Variants in TBC1D32 observed in about 807,000 individuals in gnomAD.
TBC1D32 encodes TBC1 domain family member 32.
In TBC1D32, 151 loss-of-function variants were observed where a neutral mutation model predicts 170.3. The observed-to-expected ratio is 0.89, with a 90% confidence interval of 0.78 to 1.01. The LOEUF (loss-of-function observed/expected upper bound fraction) is 1.01, where lower values mean the gene tolerates loss of function less well. Among genes scored for constraint, TBC1D32 ranks in the 50% least tolerant of loss-of-function variants. The pLI, the probability that TBC1D32 is intolerant of heterozygous loss-of-function variation, is 0.00. For synonymous variants in TBC1D32, 498 were observed against 488.0 expected (o/e 1.02, Z -0.27); for missense variants, 1,464 against 1,457.1 (o/e 1.00, Z -0.08).
intron 20 of TBC1D32, among the ~76,000 whole-genome samples, chr6:121,233,920 C>G (rs531939916): frequency 4.0e-4 from 61 of 152,244 alleles, no homozygotes; most frequent in African/African-American, 1.5e-3. Flanking sequence ...GTGGTGAATT[C>G]TCTCAGCAGT....
In TBC1D32 at chr6:121,080,215, CTT is replaced by C. The variant is rs370155731; in HGVS notation, c.*554_*555del. On this transcript the variant is annotated 3_prime_UTR_variant, in exon 32 of 32. Coordinates refer to ENST00000398212, the MANE Select transcript of TBC1D32 (RefSeq NM_152730.6). ...TGAATAAAGGAGATGTAAGTTGGGA[CTT>C]TTTTTTTTTTTTTTTTTTTGAGACA... The C allele has an allele frequency of 2.3e-3, 264 of 116,032 alleles. No homozygotes were observed. Among genetic ancestry groups the C allele is most frequent in the African/African-American group, 7.6e-3 (221 of 28,982 alleles). The allele number at this position is 116,032 out of a possible 1,614,324, so 7.2% of individuals were successfully genotyped here.
At chr6:121,266,854 T>C (rs934495192) in intron 15 of TBC1D32, among the ~76,000 whole-genome samples, 1 of 151,226 alleles carries the variant, frequency 6.6e-6, no homozygotes, top group Non-Finnish European at 1.5e-5. Context: ...AAGTGGGAGA[T>C]GAAAAATGAG....
At chr6:121,240,495 T>C (rs997387169) in intron 19 of TBC1D32, among the ~76,000 whole-genome samples, 1 of 151,066 alleles carries the variant, frequency 6.6e-6, no homozygotes, top group Admixed American at 6.6e-5. Flanking sequence ...GAATCAGTAG[T>C]GATCACTCAT....
At chr6:121,201,582 CT>C (rs1395861260) in intron 22 of TBC1D32, among the ~76,000 whole-genome samples, 1 of 151,228 alleles carries the variant, frequency 6.6e-6, no homozygotes, top group Non-Finnish European at 1.5e-5. Context: ...ATAATGACCC[CT>C]GGAGAGAAAA....
intron 20 of TBC1D32, among the ~76,000 whole-genome samples, chr6:121,231,745 G>A (rs1562997915): frequency 6.6e-6 from 1 of 151,980 alleles, no homozygotes; most frequent in Non-Finnish European, 1.5e-5. Context: ...CACGTCCTCA[G>A]CCCACTTTTT....
intron 22 of TBC1D32, among the ~76,000 whole-genome samples, chr6:121,181,775 G>A (rs9372642): frequency 0.68 from 103,232 of 151,996 alleles, 40,024 homozygotes; most frequent in Non-Finnish European, 0.86. Context: ...TTTACTAAAC[G>A]GAATATTATT....
At chr6:121,279,524 T>C (rs1466866223) in intron 14 of TBC1D32, among the ~76,000 whole-genome samples, 1 of 151,996 alleles carries the variant, frequency 6.6e-6, no homozygotes, top group Admixed American at 6.6e-5. Flanking sequence ...TATATAATTC[T>C]GGTTGGCAAA....
At chr6:121,225,216 T>C (rs538103912) in intron 20 of TBC1D32, among the ~76,000 whole-genome samples, 4 of 152,180 alleles carry the variant, frequency 2.6e-5, no homozygotes, top group African/African-American at 4.8e-5. Context: ...ACTAGAAAGA[T>C]GATTAATAGA....
chr6:121,096,949 G>A (rs1452599225), intron 30 of TBC1D32, among the ~76,000 whole-genome samples: 1 of 152,126 alleles, frequency 6.6e-6, no homozygotes, highest in Admixed American at 6.6e-5. Context: ...AGTGGGGAAA[G>A]GATTCCCTAT....
chr6:121,239,321 A>G, intron 19 of TBC1D32, 133 bp from the exon 20 acceptor site: 1 of 463,214 alleles, frequency 2.2e-6, no homozygotes, highest in Non-Finnish European at 3.9e-6. Context: ...TATATAAAAA[A>G]TAATCTCTTC....
At chr6:121,096,703 G>A (rs1331545097) in intron 30 of TBC1D32, among the ~76,000 whole-genome samples, 3 of 151,968 alleles carry the variant, frequency 2.0e-5, no homozygotes, top group Non-Finnish European at 2.9e-5. Context: ...CTACTTTAAA[G>A]TTCATACGGA....
rs756446387 is a variant in TBC1D32 at position 121,205,180 on chromosome 6, A to T, written c.2482-17T>A. 1.3e-5 allele frequency: 16 copies of T among 1,234,478 alleles called. No individual in the cohort carries two copies. In the South Asian group the frequency reaches 2.3e-4, roughly 18 times the overall value. The allele number at this position is 1,234,478 out of a possible 1,614,324, so 76.5% of individuals were successfully genotyped here. A position where few individuals can be genotyped will look rare whatever the true frequency, so the allele number is the denominator to read the frequency against. On this transcript the variant is annotated splice_polypyrimidine_tract_variant and intron_variant, in intron 21 of 31. Coordinates refer to ENST00000398212, the MANE Select transcript of TBC1D32 (RefSeq NM_152730.6). ...AATAATATCCTGAAAAAGACAGACAAAATGAGACTGTATTTAACTGATATC... is the reference window on the plus strand; with the variant it reads ...AATAATATCCTGAAAAAGACAGACATAATGAGACTGTATTTAACTGATATC...
chr6:121,160,032 T>C lies in TBC1D32; in HGVS notation c.2751A>G (p.Thr917=), dbSNP rs760644612. 2.4e-5 allele frequency: 39 copies of C among 1,605,414 alleles called. No individual in the cohort carries two copies. Among genetic ancestry groups the C allele is most frequent in the Non-Finnish European group, 3.2e-5 (37 of 1,172,938 alleles). The stretch of plus-strand genomic sequence containing the variant: ...TACCTTGTTTTATACCAGCATTTCT[T>C]GTAATGTCTGACAGATAGCAGTTTG... ...PLPNCYLSDI[T]RNAGIKQDND... Residue 917 remains threonine (T), a synonymous_variant, in exon 24 of 32, where the codon ACA becomes ACG. Coordinates refer to ENST00000398212, the MANE Select transcript of TBC1D32 (RefSeq NM_152730.6).
intron 20 of TBC1D32, among the ~76,000 whole-genome samples, chr6:121,238,110 A>G (rs1364807510): frequency 6.6e-6 from 1 of 152,044 alleles, no homozygotes; most frequent in Non-Finnish European, 1.5e-5. Context: ...GTATATACAC[A>G]GAGTTTGGAG....
At chr6:121,226,402 T>A (rs1209265757) in intron 20 of TBC1D32, among the ~76,000 whole-genome samples, 1 of 152,100 alleles carries the variant, frequency 6.6e-6, no homozygotes, top group East Asian at 1.9e-4. Context: ...CAGGCAGAGA[T>A]GTGCTACATT....
At chr6:121,152,430 A>T (rs979121989) in intron 24 of TBC1D32, among the ~76,000 whole-genome samples, 2 of 151,810 alleles carry the variant, frequency 1.3e-5, no homozygotes, top group Non-Finnish European at 2.9e-5. Context: ...CTGCCTTAAA[A>T]TTTTTTCCTT....
At chr6:121,322,209 C>G (rs1409804771) in intron 1 of TBC1D32, among the ~76,000 whole-genome samples, 3 of 152,110 alleles carry the variant, frequency 2.0e-5, no homozygotes, top group African/African-American at 7.2e-5. Context: ...AAGTTAACTT[C>G]CATCATCAGA....
intron 17 of TBC1D32, 116 bp from the exon 18 acceptor site, chr6:121,242,455 G>A: frequency 1.1e-6 from 1 of 927,712 alleles, no homozygotes; most frequent in Non-Finnish European, 1.6e-6. Flanking sequence ...AGTATATATT[G>A]GTTGCAAATT....
At chr6:121,309,206 A>C (rs1807805712) in intron 4 of TBC1D32, among the ~76,000 whole-genome samples, 1 of 152,216 alleles carries the variant, frequency 6.6e-6, no homozygotes, top group South Asian at 2.1e-4. Context: ...TTCATTTACA[A>C]TGTTAAGTAA....
Sources: gnomAD v4.1 joint callset for allele counts (sites outside exome capture counted in the v4.1 genomes callset) on GRCh38, gnomAD v4.1.1 for gene constraint, MANE v1.5 for transcripts, NCBI Gene and HGNC (gene_info 2026-07-23, HGNC 2026-07-21) for gene names.